Variants in FBLN2 observed in about 807,000 individuals in gnomAD.
FBLN2 encodes fibulin 2, also known as fibulin-2.
A neutral mutation model predicts 123.7 loss-of-function variants in FBLN2; 81 were observed. That is an observed-to-expected ratio of 0.65 (90% CI 0.55 to 0.79). The LOEUF is 0.79. Among genes scored for constraint, FBLN2 ranks in the 30% least tolerant of loss-of-function variants. The pLI is 0.00. For synonymous variants in FBLN2, 699 were observed against 701.4 expected (o/e 1.00, Z 0.05); for missense variants, 1,603 against 1,681.3 (o/e 0.95, Z 0.81).
chr3:13,575,002 T>G (rs1704089534), intron 2 of FBLN2, among the ~76,000 whole-genome samples: 1 of 152,222 alleles, frequency 6.6e-6, no homozygotes, highest in Non-Finnish European at 1.5e-5. Context: ...TCTGCCTTGC[T>G]CACTGTCGCA....
At position 13,555,098 on chromosome 3, in the gene FBLN2, G is replaced by GC. The variant is rs1375709701; in HGVS notation, c.-42+5891dup. Among the ~76,000 whole-genome samples, 8 of 151,826 alleles carry GC rather than the reference G, an allele frequency of 5.3e-5. No homozygotes were observed. In the South Asian group the frequency reaches 1.2e-3, roughly 24 times the overall value. On this transcript the variant is annotated intron_variant, in intron 1 of 17. Coordinates refer to ENST00000404922, the MANE Select transcript of FBLN2 (RefSeq NM_001004019.2). ...CTCCCGAGTAGCTGGGACTACAGGTGCGTGCCACCACACTGGGTTAATTTT... is the reference window on the plus strand; with the variant it reads ...CTCCCGAGTAGCTGGGACTACAGGTGCCGTGCCACCACACTGGGTTAATTTT...
chr3:13,589,035 GAGAATTCAT>G (rs1460718603), intron 2 of FBLN2, among the ~76,000 whole-genome samples: 1 of 152,176 alleles, frequency 6.6e-6, no homozygotes, highest in Non-Finnish European at 1.5e-5. Context: ...TAATGAAAGA[GAGAATTCAT>G]AGTTCTTTCT....
chr3:13,616,904 G>A (rs1435575071), intron 5 of FBLN2, among the ~76,000 whole-genome samples: 1 of 152,230 alleles, frequency 6.6e-6, no homozygotes, highest in East Asian at 1.9e-4. Flanking sequence ...GCCCAGGTCA[G>A]TGGTCACATC....
intron 10 of FBLN2, 136 bp from the exon 11 acceptor site, chr3:13,627,696 G>A: frequency 8.8e-7 from 1 of 1,138,456 alleles, no homozygotes; most frequent in Non-Finnish European, 1.2e-6. Context: ...CAACAATGTG[G>A]CTGTGCCAGC....
intron 2 of FBLN2, among the ~76,000 whole-genome samples, chr3:13,604,148 G>A (rs1305435032): frequency 6.6e-6 from 1 of 152,082 alleles, no homozygotes. Context: ...TTGTCAGATG[G>A]GTAGATTGCA....
At position 13,571,096 on chromosome 3, in the gene FBLN2, G is replaced by A; in HGVS notation, c.741G>A (p.Trp247Ter). Reference protein sequence around the residue: ...QPLSTIQAPPWPAVLPRPTAA... With the variant: ...QPLSTIQAPP Reference sequence around the variant, plus strand: ...TGTCCACCATCCAGGCACCCCCCTGGCCAGCTGTCCTCCCCAGGCCCACAG... The same window carrying A: ...TGTCCACCATCCAGGCACCCCCCTGACCAGCTGTCCTCCCCAGGCCCACAG... The change falls in exon 2 of 18, where the codon TGG becomes TGA. Residue 247 changes from tryptophan (W) to a stop codon, truncating the protein, a stop_gained. Transcript: ENST00000404922. LOFTEE classifies it high-confidence loss of function. 1 of 1,553,048 alleles carries A rather than the reference G, an allele frequency of 6.4e-7. No homozygotes were observed. Among genetic ancestry groups the A allele is most frequent in the Non-Finnish European group, 8.7e-7 (1 of 1,148,482 alleles).
chr3:13,560,619 A>G (rs1452840114), intron 1 of FBLN2, among the ~76,000 whole-genome samples: 1 of 152,164 alleles, frequency 6.6e-6, no homozygotes, highest in East Asian at 1.9e-4. Context: ...TTATTAAGAC[A>G]TTTGCCCGCG....
Position 13,621,937 on chromosome 3 carries a change from C to T in FBLN2, c.2296+22C>T, listed in dbSNP as rs751261034. 2.4e-5 allele frequency: 39 copies of T among 1,604,250 alleles called. No homozygotes were observed. In the African/African-American group the frequency reaches 3.7e-4, roughly 15 times the overall value. ...GTGGGTAAGCCAGGGCCCCGCCTGC[C>T]GCCCGCCGTCACAGCTCTCCGCTCT... On this transcript the variant is annotated intron_variant, in intron 9 of 17. Coordinates refer to ENST00000404922, the MANE Select transcript of FBLN2 (RefSeq NM_001004019.2).
intron 2 of FBLN2, among the ~76,000 whole-genome samples, chr3:13,573,789 G>C (rs558673743): frequency 2.1e-4 from 32 of 151,484 alleles, no homozygotes; most frequent in African/African-American, 7.8e-4. Context: ...CGTAATCCCA[G>C]CTACTTGGGC....
intron 1 of FBLN2, among the ~76,000 whole-genome samples, chr3:13,557,648 A>G (rs1044568034): frequency 1.3e-5 from 2 of 152,220 alleles, no homozygotes; most frequent in African/African-American, 4.8e-5. Flanking sequence ...GAGCATCAGC[A>G]TGGGCCATGT....
intron 2 of FBLN2, among the ~76,000 whole-genome samples, chr3:13,602,403 A>G (rs972629176): frequency 2.0e-5 from 3 of 152,196 alleles, no homozygotes; most frequent in Non-Finnish European, 4.4e-5. Flanking sequence ...GTTCTCGGGT[A>G]TTCTTAAGCA....
At chr3:13,590,866 TG>T (rs1463830242) in intron 2 of FBLN2, among the ~76,000 whole-genome samples, 1 of 152,266 alleles carries the variant, frequency 6.6e-6, no homozygotes, top group African/African-American at 2.4e-5. Flanking sequence ...ACACTGTTGC[TG>T]TGAGCATTCT....
At chr3:13,607,889 C>T (rs549599230) in intron 2 of FBLN2, among the ~76,000 whole-genome samples, 173 bp from the exon 3 acceptor site, 4 of 152,156 alleles carry the variant, frequency 2.6e-5, no homozygotes, top group Non-Finnish European at 5.9e-5. Flanking sequence ...GACTCCACCT[C>T]GCAGACAGTT....
intron 2 of FBLN2, among the ~76,000 whole-genome samples, chr3:13,581,633 G>A (rs939419068): frequency 2.6e-5 from 4 of 152,118 alleles, no homozygotes; most frequent in African/African-American, 4.8e-5. Context: ...TCCTGGCCAC[G>A]AGAGTCACTG....
At chr3:13,594,139 T>C (rs141223245) in intron 2 of FBLN2, among the ~76,000 whole-genome samples, 1 of 152,216 alleles carries the variant, frequency 6.6e-6, no homozygotes, top group African/African-American at 2.4e-5. Context: ...CAAGCATTTT[T>C]TCTGGAGACT....
intron 1 of FBLN2, among the ~76,000 whole-genome samples, chr3:13,551,930 A>C (rs1266021732): frequency 2.0e-5 from 3 of 150,088 alleles, no homozygotes; most frequent in African/African-American, 7.4e-5. Flanking sequence ...CTGCAGCCTC[A>C]AACTCCTGGG....
At chr3:13,566,093 C>T (rs937994522) in intron 1 of FBLN2, among the ~76,000 whole-genome samples, 1 of 152,220 alleles carries the variant, frequency 6.6e-6, no homozygotes, top group Non-Finnish European at 1.5e-5. Context: ...CAGCCAGTCC[C>T]AGGGGCTTTG....
intron 2 of FBLN2, among the ~76,000 whole-genome samples, chr3:13,601,279 G>A (rs945783860): frequency 1.3e-5 from 2 of 152,208 alleles, no homozygotes; most frequent in Non-Finnish European, 2.9e-5. Context: ...GGAAGGATTC[G>A]GTCCTGTAGA....
chr3:13,599,303 G>T (rs1471796877), intron 2 of FBLN2, among the ~76,000 whole-genome samples: 3 of 152,250 alleles, frequency 2.0e-5, no homozygotes, highest in African/African-American at 7.2e-5. Context: ...GTCCCATAGA[G>T]AGTGGGGGCA....
Sources: gnomAD v4.1 joint callset for allele counts (sites outside exome capture counted in the v4.1 genomes callset) on GRCh38, gnomAD v4.1.1 for gene constraint, MANE v1.5 for transcripts, NCBI Gene and HGNC (gene_info 2026-07-23, HGNC 2026-07-21) for gene names.